The following CCDC22 variants were observed in gnomAD, a reference collection of about 807,000 sequenced individuals.
CCDC22 encodes the protein CCC complex scaffolding subunit CCDC22.
In CCDC22, 4 loss-of-function variants were observed where a neutral mutation model predicts 53.1. The ratio of observed to expected loss-of-function variants is 0.08; its 90% CI spans 0.04 to 0.17. The LOEUF is 0.17. CCDC22 is among the 10% of genes least tolerant of loss of function. The pLI, the probability that CCDC22 is intolerant of heterozygous loss-of-function variation, is 1.00. For synonymous variants in CCDC22, 222 were observed against 224.4 expected (o/e 0.99, Z 0.10); for missense variants, 458 against 554.0 (o/e 0.83, Z 1.74).
intron 3 of CCDC22, 36 bp downstream of exon 3, chrX:49,242,184 G>T: frequency 8.3e-7 from 1 of 1,207,415 alleles, no homozygotes; most frequent in Non-Finnish European, 1.1e-6. Context: ...GGGGCGGTGA[G>T]GGGAGAGGAG....
intron 1 of CCDC22, 109 bp from the exon 2 acceptor site, chrX:49,236,977 G>A: frequency 1.6e-6 from 1 of 617,352 alleles, no homozygotes; most frequent in East Asian, 3.6e-5. Context: ...TGAACTGTAG[G>A]CATCCTCCCT....
In CCDC22 at chrX:49,250,251, G is replaced by A. The variant is rs1557115222; in HGVS notation, c.1874G>A (p.Arg625Gln). 4.4e-6 allele frequency: 5 copies of A among 1,128,993 alleles called. No homozygotes were observed. Among genetic ancestry groups the A allele is most frequent in the South Asian group, 1.9e-5 (1 of 51,897 alleles). 93.0% of individuals were successfully genotyped at this position (1,128,993 alleles called of 1,213,427 possible). A position where few individuals can be genotyped will look rare whatever the true frequency, so the allele number is the denominator to read the frequency against. Reference protein sequence around the residue: ...QENAGLLGRVREA With the variant: ...QENAGLLGRVQEA ...AACGCTGGCCTCCTAGGCCGGGTCC[G>A]GGAGGCCTGAGGAGCCGCCGGCAGA... The change falls in exon 17 of 17, where the codon CGG becomes CAG. Residue 625 changes from arginine (R) to glutamine (Q), a missense_variant. Coordinates refer to ENST00000376227, the MANE Select transcript of CCDC22 (RefSeq NM_014008.5).
intron 3 of CCDC22, 140 bp from the exon 4 acceptor site, chrX:49,242,746 G>C (rs1018424624): frequency 7.4e-6 from 3 of 404,819 alleles, no homozygotes; most frequent in Non-Finnish European, 1.3e-5. Context: ...GGTGTTTGTT[G>C]AATGACTGAA....
intron 2 of CCDC22, among the ~76,000 whole-genome samples, chrX:49,239,785 G>A (rs144408119): frequency 5.1e-4 from 57 of 110,821 alleles, no homozygotes; most frequent in African/African-American, 1.7e-3. Flanking sequence ...GGGAAGTTAT[G>A]TCTTCTGTTT....
intron 7 of CCDC22, 51 bp from the exon 8 acceptor site, chrX:49,247,445 T>A: frequency 8.9e-7 from 1 of 1,121,155 alleles, no homozygotes; most frequent in Non-Finnish European, 1.2e-6. Flanking sequence ...CTGGGCCACG[T>A]GAGGAAGGGC....
rs1372965135 is a variant in CCDC22, at chrX:49,249,314, T to G, written c.1635+52T>G. ...GTGGGGTGAGGCTGGGCTGCTGCCT[T>G]GTGCATCTGCTAATTGGCTGGCTGG... On this transcript the variant is annotated intron_variant, in intron 14 of 16. Transcript: ENST00000376227. 4.0e-6 allele frequency: 4 copies of G among 1,012,240 alleles called. No homozygotes were observed. The African/African-American group carries it at 7.5e-5, about 19-fold the overall frequency. The allele number at this position is 1,012,240 out of a possible 1,213,427, so 83.4% of individuals were successfully genotyped here. A position where few individuals can be genotyped will look rare whatever the true frequency, so the allele number is the denominator to read the frequency against.
Position 49,242,102 on chromosome X carries a change from T to C in CCDC22, c.315T>C (p.Ala105=). The change falls in exon 3 of 17, where the codon GCT becomes GCC. Residue 105 remains alanine (A), a synonymous_variant. Transcript: ENST00000376227. ...PDLRDLLLFL[A]ERLPTDASED... is the part of the protein sequence containing the mutation. ...TCCGAGACCTGCTTCTCTTCTTGGC[T>C]GAGCGTCTGCCCACCGATGCCTCTG... 8.3e-7 allele frequency: 1 copy of C among 1,209,963 alleles called. No individual in the cohort carries two copies. Among genetic ancestry groups the C allele is most frequent in the Non-Finnish European group, 1.1e-6 (1 of 894,936 alleles).
Position 49,248,807 on chromosome X carries a change from C to T in CCDC22, c.1432-10C>T. 2.5e-6 allele frequency: 3 copies of T among 1,208,522 alleles called. No individual in the cohort carries two copies. The highest frequency in any genetic ancestry group is 3.4e-6 in the Non-Finnish European group (3 of 893,906). On this transcript the variant is annotated splice_polypyrimidine_tract_variant and intron_variant, in intron 12 of 16. Coordinates refer to ENST00000376227, the MANE Select transcript of CCDC22 (RefSeq NM_014008.5). ...GGTCCTGGGGCAGTGCCTGCTATAT[C>T]CCTGCCTAGATGTCAGAGCTGGAGA...
At chrX:49,244,486 A>C (rs1414617447) in intron 6 of CCDC22, among the ~76,000 whole-genome samples, 1 of 105,213 alleles carries the variant, frequency 9.5e-6, no homozygotes, top group African/African-American at 3.5e-5. Flanking sequence ...CTGTCCCCTT[A>C]TCTCTCCCTT....
intron 2 of CCDC22, among the ~76,000 whole-genome samples, chrX:49,239,893 C>T (rs1375078929): frequency 9.1e-6 from 1 of 110,242 alleles, no homozygotes; most frequent in African/African-American, 3.3e-5. Context: ...GGATTTTGTT[C>T]ACCTGCTTTT....
chrX:49,245,134 C>A (rs1209760897), intron 6 of CCDC22, among the ~76,000 whole-genome samples: 3 of 108,816 alleles, frequency 2.8e-5, no homozygotes, highest in Non-Finnish European at 5.8e-5. Context: ...GGTATCAGTA[C>A]CCCTCCCCTT....
chrX:49,248,568 G>A (rs782494958), intron 11 of CCDC22, 45 bp downstream of exon 11: 5 of 1,196,569 alleles, frequency 4.2e-6, no homozygotes, highest in East Asian at 5.9e-5. Context: ...GGGCAGGCTC[G>A]GTCCCTCTCT....
At position 49,243,424 on chromosome X, in the gene CCDC22, G is replaced by T; in HGVS notation, c.676G>T (p.Glu226Ter). 1 of 1,199,938 alleles carries T rather than the reference G, an allele frequency of 8.3e-7. No homozygotes were observed. Among genetic ancestry groups the T allele is most frequent in the East Asian group, 3.0e-5 (1 of 33,378 alleles). The change falls in exon 6 of 17, where the codon GAG (glutamate) becomes TAG (stop). Residue 226 changes from glutamate (E) to a stop codon, truncating the protein, a stop_gained. Transcript: ENST00000376227. LOFTEE classifies it high-confidence loss of function. ...GACGGGCCGGGACCGGCCAGGGGAT[G>T]AGGACTGGGTCCACCGGACATCCCG... ...QQTGRDRPGD[E>*]DWVHRTSRLP...
At position 49,246,903 on chromosome X, in the gene CCDC22, C is replaced by T. The variant is rs2065993287; in HGVS notation, c.887C>T (p.Ser296Leu). The change falls in exon 7 of 17, where the codon TCA becomes TTA. Residue 296 changes from serine to leucine, a missense_variant. This residue lies in a region of CCDC22 where 309 missense variants were observed against 312.3 expected (regional missense o/e 0.99). Transcript: ENST00000376227. ...GAPKGSRFTH[S>L]EKFTFHLEPQ... is the part of the protein sequence containing the mutation. The stretch of plus-strand genomic sequence containing the variant: ...CCTAAGGGCTCCCGCTTCACGCACT[C>T]AGAGAAGTTCACCTTCCATCTGGTG... 7 of 1,195,768 alleles carry T rather than the reference C, an allele frequency of 5.9e-6. No individual in the cohort carries two copies. The highest frequency in any genetic ancestry group is 6.8e-6 in the Non-Finnish European group (6 of 886,903).
Position 49,237,186 on chromosome X carries a change from T to G in CCDC22, c.151T>G (p.Ser51Ala), listed in dbSNP as rs149244617. 24 of 1,210,841 alleles carry G rather than the reference T, an allele frequency of 2.0e-5. No homozygotes were observed. The African/African-American group carries it at 3.6e-4, about 18-fold the overall frequency. ...GCGTGTGATCAACCCTGCGGTGGGC[T>G]CTGGCCTCAGCCCTCTGCTGCCTCT... Reference protein sequence around the residue: ...CLRVINPAVGSGLSPLLPLAM... With the variant: ...CLRVINPAVGAGLSPLLPLAM... The change falls in exon 2 of 17, where the codon TCT becomes GCT. Residue 51 changes from serine (S) to alanine (A), a missense_variant. Around this residue, in one of 4 missense-constraint regions of CCDC22, gnomAD observed 55 missense variants for 106.0 expected, o/e 0.52. Transcript: ENST00000376227.
At chrX:49,245,967 GTTTTGTTT>G (rs1163327116) in intron 6 of CCDC22, among the ~76,000 whole-genome samples, 1 of 65,713 alleles carries the variant, frequency 1.5e-5, no homozygotes, top group East Asian at 3.8e-4. Flanking sequence ...GTTTTGTTTT[GTTTTGTTT>G]TTTTTTTGTT....
chrX:49,249,680 G>C lies in CCDC22; in HGVS notation c.1725G>C (p.Glu575Asp). 8.3e-7 allele frequency: 1 copy of C among 1,210,599 alleles called. No individual in the cohort carries two copies. The highest frequency in any genetic ancestry group is 1.7e-5 in the African/African-American group (1 of 57,854). ...GCAGCCAGCTCATCCAGACCATCGA[G>C]GACACAGGCACCATCATGCGGGAGG... ...ENCSQLIQTIEDTGTIMREVR... is the reference protein window; with the variant it reads ...ENCSQLIQTIDDTGTIMREVR... The change falls in exon 16 of 17, where the codon GAG becomes GAC. Residue 575 changes from glutamate (E) to aspartate (D), a missense_variant. This residue lies in a region of CCDC22 where 46 missense variants were observed against 52.3 expected (regional missense o/e 0.88). Transcript: ENST00000376227.
intron 6 of CCDC22, among the ~76,000 whole-genome samples, chrX:49,245,289 G>A (rs781826482): frequency 2.7e-5 from 3 of 110,447 alleles, no homozygotes; most frequent in Non-Finnish European, 3.8e-5. Flanking sequence ...CCTCTGTGTC[G>A]GCCCCCTCCT....
intron 2 of CCDC22, 91 bp from the exon 3 acceptor site, chrX:49,241,925 T>G: frequency 5.7e-6 from 6 of 1,048,988 alleles, no homozygotes; most frequent in Non-Finnish European, 7.9e-6. Flanking sequence ...TGGTGGTTAG[T>G]GAGAAAGTGG....
Sources: gnomAD v4.1 joint callset for allele counts (sites outside exome capture counted in the v4.1 genomes callset) on GRCh38, gnomAD v4.1.1 for gene constraint, gnomAD v4.1.1 regional missense constraint, MANE v1.5 for transcripts, NCBI Gene and HGNC (gene_info 2026-07-23, HGNC 2026-07-21) for gene names.